SIL1: variants seen among roughly 807,000 people sequenced by gnomAD.
SIL1 encodes the protein nucleotide exchange factor SIL1.
Under a neutral mutation model 49.1 loss-of-function variants are expected in SIL1, and 40 were observed. The observed-to-expected ratio is 0.81, with a 90% confidence interval of 0.63 to 1.06. The LOEUF (loss-of-function observed/expected upper bound fraction) is 1.06. SIL1 is among the 50% of genes least tolerant of loss of function. The pLI is 0.00. For missense variants in SIL1, 500 were observed against 572.6 expected, an observed-to-expected ratio of 0.87 and a Z score of 1.29; for synonymous variants, 253 against 250.8, an observed-to-expected ratio of 1.01 and a Z score of -0.08.
intron 7 of SIL1, among the ~76,000 whole-genome samples, chr5:139,005,152 T>C (rs1042998771): frequency 6.6e-6 from 1 of 152,192 alleles, no homozygotes; most frequent in Non-Finnish European, 1.5e-5. Flanking sequence ...ACAAAAATGA[T>C]AACTTATGTG....
chr5:139,153,503 T>G (rs1751348751), intron 1 of SIL1, among the ~76,000 whole-genome samples: 1 of 152,062 alleles, frequency 6.6e-6, no homozygotes, highest in Admixed American at 6.5e-5. Context: ...TGATTTAGAG[T>G]CTCTGTTAGA....
chr5:138,968,204 G>A lies in SIL1; in HGVS notation c.768-16320C>T, dbSNP rs369260477. Among the ~76,000 whole-genome samples, 4 of 152,144 alleles carry A rather than the reference G, an allele frequency of 2.6e-5. 1 individual carries two copies. The highest frequency in any genetic ancestry group is 4.4e-5 in the Non-Finnish European group (3 of 67,992). On this transcript the variant is annotated intron_variant, in intron 7 of 9. Coordinates refer to ENST00000394817, the MANE Select transcript of SIL1 (RefSeq NM_022464.5). ...TGCAGGTACCTTGGGGGGATGAGGC[G>A]GTAGAGCACAGCTTCTGACCACAGT...
In SIL1 at chr5:138,983,476, C is replaced by T. The variant is rs529376946; in HGVS notation, c.768-31592G>A. 2.0e-5 allele frequency among the ~76,000 whole-genome samples: 3 copies of T among 151,638 alleles called. No homozygotes were observed. In the South Asian group the frequency reaches 6.3e-4, roughly 32 times the overall value. ...TGAGCCGAGATCGCGCCACTGCACT[C>T]CAGCCTGGGCGACAGAGCGAGATTT... On this transcript the variant is annotated intron_variant, in intron 7 of 9. Transcript: ENST00000394817.
intron 1 of SIL1, among the ~76,000 whole-genome samples, chr5:139,180,008 A>G (rs978272993): frequency 3.3e-5 from 5 of 150,064 alleles, no homozygotes; most frequent in Non-Finnish European, 7.4e-5. Context: ...GTGAGCCAAG[A>G]CTGTGCCACT....
intron 7 of SIL1, among the ~76,000 whole-genome samples, chr5:138,972,830 G>C (rs1767309621): frequency 6.6e-6 from 1 of 152,196 alleles, no homozygotes; most frequent in Non-Finnish European, 1.5e-5. Flanking sequence ...GCAAAGAGAG[G>C]ACTATGTGGG....
At chr5:139,014,777 A>G (rs1241140221) in intron 7 of SIL1, among the ~76,000 whole-genome samples, 4 of 152,340 alleles carry the variant, frequency 2.6e-5, no homozygotes, top group African/African-American at 9.6e-5. Flanking sequence ...TAATATGCTA[A>G]TCAGTTTATC....
intron 1 of SIL1, among the ~76,000 whole-genome samples, chr5:139,166,903 A>T (rs141675889): frequency 6.6e-6 from 1 of 152,060 alleles, no homozygotes; most frequent in South Asian, 2.1e-4. Flanking sequence ...CTGCCTCCCA[A>T]GTGCATACCA....
At chr5:139,055,794 C>T (rs1769400136) in intron 3 of SIL1, among the ~76,000 whole-genome samples, 1 of 123,006 alleles carries the variant, frequency 8.1e-6, no homozygotes. Flanking sequence ...CCTCAGCCTG[C>T]CGAGTGCCTG....
chr5:139,132,689 C>A (rs922625756), intron 1 of SIL1, among the ~76,000 whole-genome samples: 1 of 152,202 alleles, frequency 6.6e-6, no homozygotes, highest in Non-Finnish European at 1.5e-5. Flanking sequence ...CTACAGCATG[C>A]AGGCACGGAA....
intron 9 of SIL1, 101 bp downstream of exon 9, chr5:138,951,070 G>C: frequency 3.7e-6 from 5 of 1,347,430 alleles, no homozygotes; most frequent in Non-Finnish European, 5.2e-6. Flanking sequence ...CACACACAAA[G>C]CAAACAAGTG....
chr5:139,169,083 GTA>G (rs1247369310), intron 1 of SIL1, among the ~76,000 whole-genome samples: 1 of 152,162 alleles, frequency 6.6e-6, no homozygotes, highest in Non-Finnish European at 1.5e-5. Context: ...GAGTTGGATG[GTA>G]TAGTGCATTA....
intron 7 of SIL1, among the ~76,000 whole-genome samples, chr5:138,959,392 A>G (rs1444380399): frequency 1.3e-5 from 2 of 152,222 alleles, no homozygotes; most frequent in African/African-American, 4.8e-5. Context: ...TACATCATCA[A>G]ACAAGGCAGC....
intron 1 of SIL1, among the ~76,000 whole-genome samples, chr5:139,165,260 G>A (rs932785855): frequency 3.9e-5 from 6 of 152,094 alleles, no homozygotes; most frequent in Admixed American, 2.6e-4. Context: ...AAACTCAACC[G>A]TCAGCCAGAA....
At chr5:139,018,669 G>A (rs537731156) in intron 7 of SIL1, among the ~76,000 whole-genome samples, 2 of 151,080 alleles carry the variant, frequency 1.3e-5, no homozygotes, top group Admixed American at 1.3e-4. Flanking sequence ...AGAAAATGAG[G>A]AAGATAAAGG....
intron 7 of SIL1, among the ~76,000 whole-genome samples, chr5:139,011,453 G>A (rs1408781013): frequency 3.3e-5 from 5 of 152,202 alleles, no homozygotes; most frequent in African/African-American, 4.8e-5. Context: ...GCTGTAGACC[G>A]GAGCTGTTCC....
intron 5 of SIL1, among the ~76,000 whole-genome samples, chr5:139,027,753 GA>G (rs1768693949): frequency 6.6e-6 from 1 of 152,190 alleles, no homozygotes; most frequent in Non-Finnish European, 1.5e-5. Flanking sequence ...TGCCTATAAA[GA>G]GAGTCTGAAA....
intron 3 of SIL1, among the ~76,000 whole-genome samples, chr5:139,085,099 G>A (rs542066050): frequency 2.6e-5 from 4 of 152,182 alleles, no homozygotes; most frequent in African/African-American, 9.6e-5. Flanking sequence ...GTTTTAACAG[G>A]TAAAAATGAT....
intron 1 of SIL1, among the ~76,000 whole-genome samples, chr5:139,188,802 G>A (rs1752118726): frequency 6.6e-6 from 1 of 152,158 alleles, no homozygotes; most frequent in South Asian, 2.1e-4. Flanking sequence ...GCAGGCTCTG[G>A]ACTAGCCAGC....
In SIL1 at chr5:138,946,864, G is replaced by C; in HGVS notation, c.*253C>G. ...CTCCTGGGCCCAGGTTCCTGCCCTG[G>C]AGCCTGTTCCTGGATGCCCTGGGCT... On this transcript the variant is annotated 3_prime_UTR_variant, in exon 10 of 10. Transcript: ENST00000394817. 1 of 549,224 alleles carries C rather than the reference G, an allele frequency of 1.8e-6. No homozygotes were observed. 34.0% of individuals were successfully genotyped at this position (549,224 alleles called of 1,614,324 possible). A position where few individuals can be genotyped will look rare whatever the true frequency, so the allele number is the denominator to read the frequency against.
Sources: gnomAD v4.1 joint callset for allele counts (sites outside exome capture counted in the v4.1 genomes callset) on GRCh38, gnomAD v4.1.1 for gene constraint, MANE v1.5 for transcripts, NCBI Gene and HGNC (gene_info 2026-07-23, HGNC 2026-07-21) for gene names.